The following PPM1L variants were observed in gnomAD, a reference collection of about 807,000 sequenced individuals.
PPM1L encodes the protein protein phosphatase 1L.
A neutral mutation model predicts 31.4 loss-of-function variants in PPM1L; 13 were observed. That is an observed-to-expected ratio of 0.41 (90% CI 0.27 to 0.66). The LOEUF is 0.66. PPM1L is among the 30% of genes least tolerant of loss of function. The pLI is 0.29. For missense variants in PPM1L, 326 were observed against 453.7 expected, an observed-to-expected ratio of 0.72 and a Z score of 2.56; for synonymous variants, 184 against 175.4, an observed-to-expected ratio of 1.05 and a Z score of -0.39.
chr3:161,011,476 C>G (rs1158859960), intron 2 of PPM1L, among the ~76,000 whole-genome samples: 1 of 152,034 alleles, frequency 6.6e-6, no homozygotes, highest in Admixed American at 6.6e-5. Context: ...GTTCTTTTGG[C>G]TTAGGATTGT....
intron 2 of PPM1L, among the ~76,000 whole-genome samples, chr3:161,017,908 T>G (rs1344145291): frequency 6.6e-6 from 1 of 152,088 alleles, no homozygotes; most frequent in South Asian, 2.1e-4. Context: ...TACCTAAAAT[T>G]TGAGTTTACA....
chr3:160,809,696 T>C lies in PPM1L; in HGVS notation c.399+52989T>C, dbSNP rs78960736. Among the ~76,000 whole-genome samples, 783 of 152,200 alleles carry C rather than the reference T, an allele frequency of 5.1e-3. 8 individuals carry two copies. Among genetic ancestry groups the C allele is most frequent in the African/African-American group, 0.018 (746 of 41,510 alleles). ...TGTGTCCTTGCTTGCTCTTACCATC[T>C]CTCCAGTGGGACAGTAGAGTCCTGG... is the stretch of plus-strand genomic sequence containing the variant. On this transcript the variant is annotated intron_variant, in intron 1 of 3. Coordinates refer to ENST00000498165, the MANE Select transcript of PPM1L (RefSeq NM_139245.4).
At chr3:160,809,727 G>A (rs1712753722) in intron 1 of PPM1L, among the ~76,000 whole-genome samples, 1 of 152,028 alleles carries the variant, frequency 6.6e-6, no homozygotes, top group Non-Finnish European at 1.5e-5. Flanking sequence ...CCTGGCTTGA[G>A]CTTAGAGCCC....
At chr3:160,975,649 T>C (rs1716542142) in intron 2 of PPM1L, among the ~76,000 whole-genome samples, 1 of 152,114 alleles carries the variant, frequency 6.6e-6, no homozygotes, top group African/African-American at 2.4e-5. Flanking sequence ...TGAATGAGAG[T>C]TCACTCATGA....
intron 2 of PPM1L, among the ~76,000 whole-genome samples, chr3:161,016,544 A>G (rs1718092746): frequency 6.6e-6 from 1 of 152,234 alleles, no homozygotes. Context: ...ACACGCTCAC[A>G]GGACATTCAG....
At position 160,997,208 on chromosome 3, in the gene PPM1L, G is replaced by A. The variant is rs550125311; in HGVS notation, c.574+35298G>A. On this transcript the variant is annotated intron_variant, in intron 2 of 3. Transcript: ENST00000498165. ...TGTGACAATGTCAGTGGTATAGAAG[G>A]TGACAGAGGGAATTCCTAGTCATTA... Among the ~76,000 whole-genome samples, 9 of 152,254 alleles carry A rather than the reference G, an allele frequency of 5.9e-5. No individual in the cohort carries two copies. The East Asian group carries it at 1.2e-3, about 20-fold the overall frequency.
chr3:160,857,068 T>A (rs9867165), intron 1 of PPM1L, among the ~76,000 whole-genome samples: 1 of 152,180 alleles, frequency 6.6e-6, no homozygotes, highest in Admixed American at 6.5e-5. Context: ...GATTTTAAAT[T>A]GTAAGTTTCT....
chr3:160,947,900 T>C (rs1333203373), intron 1 of PPM1L, among the ~76,000 whole-genome samples: 2 of 152,190 alleles, frequency 1.3e-5, no homozygotes, highest in South Asian at 2.1e-4. Flanking sequence ...ATTTCCATAA[T>C]TGGCCCAAAA....
intron 1 of PPM1L, among the ~76,000 whole-genome samples, chr3:160,949,878 C>T (rs1011815334): frequency 6.6e-6 from 1 of 152,124 alleles, no homozygotes; most frequent in Non-Finnish European, 1.5e-5. Context: ...GTGATGATTC[C>T]TATTTGTACA....
intron 1 of PPM1L, among the ~76,000 whole-genome samples, chr3:160,761,222 A>G (rs2108054717): frequency 6.6e-6 from 1 of 152,348 alleles, no homozygotes; most frequent in East Asian, 1.9e-4. Context: ...TCTAGATAGA[A>G]TAAAATCTGT....
At chr3:160,763,895 G>T (rs1174559637) in intron 1 of PPM1L, among the ~76,000 whole-genome samples, 1 of 152,052 alleles carries the variant, frequency 6.6e-6, no homozygotes, top group Non-Finnish European at 1.5e-5. Flanking sequence ...TGATGTCAGG[G>T]TTTGCATAAC....
intron 2 of PPM1L, among the ~76,000 whole-genome samples, chr3:160,968,965 C>T (rs1716239203): frequency 6.6e-6 from 1 of 152,190 alleles, no homozygotes; most frequent in Non-Finnish European, 1.5e-5. Context: ...GCACATGCTT[C>T]TGCAATGTGG....
Position 160,955,022 on chromosome 3 carries a change from T to A in PPM1L, c.400-6714T>A, listed in dbSNP as rs530463067. 2.0e-5 allele frequency among the ~76,000 whole-genome samples: 3 copies of A among 150,170 alleles called. No individual in the cohort carries two copies. In the East Asian group the frequency reaches 5.9e-4, roughly 30 times the overall value. ...CCCTCTCTCTTTCTTTCTCTCTTTC[T>A]TCTTTTTTTGACAGAGTATCACTCT... On this transcript the variant is annotated intron_variant, in intron 1 of 3. Transcript: ENST00000498165.
chr3:160,807,300 A>C lies in PPM1L; in HGVS notation c.399+50593A>C, dbSNP rs550380165. On this transcript the variant is annotated intron_variant, in intron 1 of 3. Coordinates refer to ENST00000498165, the MANE Select transcript of PPM1L (RefSeq NM_139245.4). ...TCAGTTCCTCCCATAACAATTCTGC[A>C]AGCTATATTGCTGACAAGTTATTAA... is the stretch of plus-strand genomic sequence containing the variant. Among the ~76,000 whole-genome samples the C allele has an allele frequency of 6.4e-4, 97 of 152,374 alleles. 1 individual carries two copies. The highest frequency in any genetic ancestry group is 3.2e-3 in the Admixed American group (49 of 15,308).
At chr3:160,803,238 A>G (rs912626786) in intron 1 of PPM1L, among the ~76,000 whole-genome samples, 10 of 152,168 alleles carry the variant, frequency 6.6e-5, no homozygotes, top group African/African-American at 2.2e-4. Flanking sequence ...CTTCTTTTCT[A>G]TGTGGTGTCA....
At chr3:160,846,384 C>T (rs1385641997) in intron 1 of PPM1L, among the ~76,000 whole-genome samples, 2 of 151,998 alleles carry the variant, frequency 1.3e-5, no homozygotes, top group Admixed American at 1.3e-4. Flanking sequence ...AAAAGTTGGG[C>T]CTTTCTGTCT....
intron 1 of PPM1L, among the ~76,000 whole-genome samples, chr3:160,780,201 AG>A (rs901800152): frequency 6.6e-6 from 1 of 152,168 alleles, no homozygotes; most frequent in Non-Finnish European, 1.5e-5. Flanking sequence ...GCTATTTTTT[AG>A]GATTAATTTG....
At chr3:160,860,069 A>G (rs1240431604) in intron 1 of PPM1L, among the ~76,000 whole-genome samples, 2 of 152,202 alleles carry the variant, frequency 1.3e-5, no homozygotes, top group Non-Finnish European at 2.9e-5. Context: ...GAGCCTAACT[A>G]ATTTAGTGAG....
intron 1 of PPM1L, among the ~76,000 whole-genome samples, chr3:160,788,781 A>G (rs1421380880): frequency 2.0e-5 from 3 of 152,046 alleles, no homozygotes; most frequent in African/African-American, 7.2e-5. Context: ...GCTTGCTATA[A>G]TAATCCATCT....
Sources: gnomAD v4.1 joint callset for allele counts (sites outside exome capture counted in the v4.1 genomes callset) on GRCh38, gnomAD v4.1.1 for gene constraint, MANE v1.5 for transcripts, NCBI Gene and HGNC (gene_info 2026-07-23, HGNC 2026-07-21) for gene names.